Variants in CSMD1 observed in about 807,000 individuals in gnomAD.
The protein encoded by CSMD1 is CUB and sushi domain-containing protein 1.
Under a neutral mutation model 417.5 loss-of-function variants are expected in CSMD1, and 213 were observed. The observed-to-expected ratio is 0.51, with a 90% CI of 0.46 to 0.57. The LOEUF (loss-of-function observed/expected upper bound fraction) is 0.57, where lower values mean the gene tolerates loss of function less well. Ranked by LOEUF, CSMD1 falls within the 20% of genes least tolerant of loss-of-function variation. CSMD1 has a pLI of 0.00. For missense variants in CSMD1, 6,923 were observed against 4,529.7 expected (o/e 1.53, Z -15.17); for synonymous variants, 2,862 against 1,736.8 (o/e 1.65, Z -16.11).
At chr8:4,887,851 A>G (rs1234868872) in intron 1 of CSMD1, among the ~76,000 whole-genome samples, 2 of 152,008 alleles carry the variant, frequency 1.3e-5, no homozygotes, top group Non-Finnish European at 2.9e-5. Flanking sequence ...CAGCCACTCC[A>G]GCTTTTGCAT....
rs767003325 is a variant in CSMD1 at position 3,118,495 on chromosome 8, C to G, written c.6334G>C (p.Glu2112Gln). The G allele has an allele frequency of 6.2e-7, 1 of 1,613,870 alleles. No individual in the cohort carries two copies. The highest frequency in any genetic ancestry group is 8.5e-7 in the Non-Finnish European group (1 of 1,179,830). Residue 2112 changes from glutamate to glutamine, a missense_variant, in exon 42 of 70, where the codon GAG becomes CAG. Physicochemically the swap from Glu to Gln is conservative, Grantham distance 29. Coordinates refer to ENST00000635120, the MANE Select transcript of CSMD1 (RefSeq NM_033225.6). Reference protein sequence around the residue: ...DYSVGQSVSFECYPGYILIGH... With the variant: ...DYSVGQSVSFQCYPGYILIGH... Reference sequence around the variant, plus strand: ...ATTAGAATGTACCCAGGATAACACTCGAAAGATACTGATTGCCCCACGCTG... The same window carrying G: ...ATTAGAATGTACCCAGGATAACACTGGAAAGATACTGATTGCCCCACGCTG...
chr8:4,686,876 G>A (rs1272474613), intron 1 of CSMD1, among the ~76,000 whole-genome samples: 3 of 152,164 alleles, frequency 2.0e-5, no homozygotes, highest in African/African-American at 4.8e-5. Context: ...CTGAGCAGGC[G>A]ATGGCCCAAG....
At chr8:4,719,178 C>T (rs1808885514) in intron 1 of CSMD1, among the ~76,000 whole-genome samples, 1 of 152,068 alleles carries the variant, frequency 6.6e-6, no homozygotes, top group Admixed American at 6.6e-5. Context: ...AAAAAGACTA[C>T]ACAGCTAGAG....
intron 3 of CSMD1, among the ~76,000 whole-genome samples, chr8:4,390,652 G>C (rs948047596): frequency 6.6e-6 from 1 of 151,564 alleles, no homozygotes; most frequent in Admixed American, 6.6e-5. Context: ...GAGCTGGGAC[G>C]ACAGGCACCC....
intron 1 of CSMD1, among the ~76,000 whole-genome samples, chr8:4,953,324 T>C (rs1415603258): frequency 3.3e-5 from 5 of 152,166 alleles, no homozygotes; most frequent in African/African-American, 1.2e-4. Context: ...CAATTGAACT[T>C]GTTGTAACTT....
At chr8:3,860,771 T>A (rs145373582) in intron 5 of CSMD1, among the ~76,000 whole-genome samples, 2 of 151,860 alleles carry the variant, frequency 1.3e-5, no homozygotes, top group East Asian at 3.9e-4. Context: ...AGGGAGAGAG[T>A]AGAGCTGTTT....
chr8:4,126,061 G>C (rs1045598313), intron 3 of CSMD1, among the ~76,000 whole-genome samples: 2 of 151,940 alleles, frequency 1.3e-5, no homozygotes, highest in South Asian at 2.1e-4. Flanking sequence ...GGCCCGACCA[G>C]TTTTGCCATT....
intron 3 of CSMD1, among the ~76,000 whole-genome samples, chr8:4,121,229 C>A (rs1410693424): frequency 6.6e-6 from 1 of 152,182 alleles, no homozygotes. Flanking sequence ...ATTCTCCTGC[C>A]TCAGCCTCCC....
chr8:3,598,310 T>C (rs1476816621), intron 8 of CSMD1: 1 of 152,196 alleles, frequency 6.6e-6, no homozygotes, highest in African/African-American at 2.4e-5. Flanking sequence ...GCACCTACTT[T>C]CCTCTATGTA....
intron 25 of CSMD1, among the ~76,000 whole-genome samples, chr8:3,305,835 A>G (rs748498425): frequency 1.2e-4 from 19 of 152,038 alleles, no homozygotes; most frequent in Non-Finnish European, 1.9e-4. Context: ...GCCTGCCACC[A>G]CGTGTGGCTA....
At chr8:4,586,264 G>C (rs1799694528) in intron 2 of CSMD1, among the ~76,000 whole-genome samples, 1 of 152,134 alleles carries the variant, frequency 6.6e-6, no homozygotes, top group Non-Finnish European at 1.5e-5. Context: ...TATTCATTCT[G>C]ACTGTATTTT....
At chr8:4,564,722 G>C (rs149062195) in intron 2 of CSMD1, among the ~76,000 whole-genome samples, 240 of 152,230 alleles carry the variant, frequency 1.6e-3, no homozygotes, top group African/African-American at 5.4e-3. Context: ...ATAATAGTGA[G>C]GGCATTTTGA....
intron 7 of CSMD1, among the ~76,000 whole-genome samples, chr8:3,655,288 C>G (rs909286590): frequency 1.3e-5 from 2 of 152,162 alleles, no homozygotes; most frequent in East Asian, 1.9e-4. Context: ...TGAAGGCTAT[C>G]TTTGTGCATG....
At chr8:3,485,926 G>C (rs73499682) in intron 11 of CSMD1, among the ~76,000 whole-genome samples, 2,339 of 152,148 alleles carry the variant, frequency 0.015, 55 homozygotes, top group African/African-American at 0.053. Flanking sequence ...ATTTCCACTG[G>C]AGATCCGGAC....
chr8:4,819,375 C>T (rs1163404418), intron 1 of CSMD1, among the ~76,000 whole-genome samples: 2 of 152,138 alleles, frequency 1.3e-5, no homozygotes, highest in Admixed American at 6.5e-5. Flanking sequence ...GGAAATAGGC[C>T]TCTCAAATTT....
intron 3 of CSMD1, among the ~76,000 whole-genome samples, chr8:4,115,722 A>T (rs925599203): frequency 1.3e-5 from 2 of 152,166 alleles, no homozygotes; most frequent in African/African-American, 4.8e-5. Flanking sequence ...ACTGTGGGAC[A>T]TCCTGACAAT....
At chr8:4,475,552 C>A (rs773170219) in intron 2 of CSMD1, among the ~76,000 whole-genome samples, 2 of 152,074 alleles carry the variant, frequency 1.3e-5, no homozygotes, top group South Asian at 2.1e-4. Flanking sequence ...TATCTTGCAA[C>A]CTATACGTCT....
intron 2 of CSMD1, among the ~76,000 whole-genome samples, chr8:4,495,206 G>C (rs956971209): frequency 2.6e-5 from 4 of 152,092 alleles, no homozygotes; most frequent in Non-Finnish European, 5.9e-5. Flanking sequence ...GAAATCCTGG[G>C]ATTTTTATAA....
At chr8:4,662,765 G>A (rs1804678945) in intron 1 of CSMD1, among the ~76,000 whole-genome samples, 2 of 152,152 alleles carry the variant, frequency 1.3e-5, no homozygotes, top group Admixed American at 1.3e-4. Context: ...TATGGATGAT[G>A]CTCACATTCC....
Sources: allele counts gnomAD v4.1 joint callset (sites outside exome capture counted in the v4.1 genomes callset), GRCh38; gene constraint gnomAD v4.1.1; transcripts MANE v1.5; gene names NCBI Gene and HGNC (gene_info 2026-07-23, HGNC 2026-07-21).